SNF8: variants seen among roughly 807,000 people sequenced by gnomAD.
SNF8 encodes SNF8 subunit of ESCRT-II, also known as vacuolar-sorting protein SNF8.
SNF8 carries 19 observed loss-of-function variants against 36.8 expected under a neutral mutation model. The observed-to-expected ratio is 0.52, with a 90% CI of 0.36 to 0.76. The LOEUF is 0.76. Ranked by LOEUF, SNF8 falls within the 30% of genes least tolerant of loss-of-function variation. The probability of loss-of-function intolerance (pLI) is 0.00; values close to 1 mark genes in which losing one functional copy is unlikely to be tolerated. For synonymous variants in SNF8, 127 were observed against 127.4 expected (o/e 1.00, Z 0.02); for missense variants, 268 against 322.9 (o/e 0.83, Z 1.30).
At chr17:48,939,800 T>C (rs957517034) in intron 3 of SNF8, among the ~76,000 whole-genome samples, 1 of 151,806 alleles carries the variant, frequency 6.6e-6, no homozygotes, top group African/African-American at 2.4e-5. Flanking sequence ...AAGGGCTCAG[T>C]GCAGTGGCTC....
chr17:48,944,635 C>T (rs1240570303), intron 1 of SNF8, 46 bp downstream of exon 1: 3 of 1,596,582 alleles, frequency 1.9e-6, no homozygotes, highest in Non-Finnish European at 1.7e-6. Flanking sequence ...AATTCAGTCT[C>T]GCACGGGTCA....
rs2143795592 is a variant in SNF8, at chr17:48,933,198, C to T, written c.564+7G>A. 3.1e-6 allele frequency: 5 copies of T among 1,613,006 alleles called. No individual in the cohort carries two copies. In the East Asian group the frequency reaches 6.7e-5, roughly 22 times the overall value. ...GCACACACACACACTCGAAGGTGCA[C>T]CAGTACCTCTGCCAGCTGCAGCACC... On this transcript the variant is annotated splice_region_variant and intron_variant, in intron 6 of 7. Transcript: ENST00000502492.
chr17:48,943,334 G>C (rs1437563858), intron 2 of SNF8, among the ~76,000 whole-genome samples: 2 of 152,156 alleles, frequency 1.3e-5, no homozygotes, highest in African/African-American at 4.8e-5. Flanking sequence ...ATTAGGGCCC[G>C]GCACAGTGGC....
At chr17:48,943,221 G>A (rs2041056828) in intron 2 of SNF8, among the ~76,000 whole-genome samples, 2 of 151,262 alleles carry the variant, frequency 1.3e-5, no homozygotes, top group African/African-American at 2.4e-5. Context: ...TGTAGTCCCA[G>A]CACTCTGGGA....
intron 2 of SNF8, among the ~76,000 whole-genome samples, chr17:48,943,648 G>C (rs542231883): frequency 1.3e-5 from 2 of 151,998 alleles, no homozygotes; most frequent in South Asian, 4.2e-4. Context: ...AGAATAATAG[G>C]GTTCCTTCCT....
chr17:48,941,145 AG>A, intron 2 of SNF8, 83 bp from the exon 3 acceptor site: 1 of 1,508,712 alleles, frequency 6.6e-7, no homozygotes, highest in Admixed American at 1.7e-5. Context: ...GCCCTGTGGC[AG>A]GGCAAAGGCT....
intron 3 of SNF8, among the ~76,000 whole-genome samples, chr17:48,939,391 T>C (rs965138898): frequency 6.6e-6 from 1 of 151,844 alleles, no homozygotes; most frequent in African/African-American, 2.4e-5. Context: ...AGTGGGCTGA[T>C]TGCACCAATG....
chr17:48,944,006 G>C, intron 1 of SNF8, 31 bp from the exon 2 acceptor site: 4 of 1,610,978 alleles, frequency 2.5e-6, no homozygotes, highest in Non-Finnish European at 2.5e-6. Context: ...CATAAGTTAA[G>C]AGAGTGGGCG....
chr17:48,943,687 A>G (rs987418066), intron 2 of SNF8, among the ~76,000 whole-genome samples: 3 of 152,208 alleles, frequency 2.0e-5, no homozygotes, highest in African/African-American at 7.2e-5. Flanking sequence ...ATTGAACAAG[A>G]CAGTCTATGT....
chr17:48,937,412 G>A (rs2040951287), intron 3 of SNF8: 3 of 465,270 alleles, frequency 6.4e-6, no homozygotes, highest in African/African-American at 2.0e-5. Flanking sequence ...TGGATCGCTC[G>A]AGACCAAGAG....
Position 48,933,246 on chromosome 17 carries a change from C to T in SNF8, c.523G>A (p.Glu175Lys). The stretch of plus-strand genomic sequence containing the variant: ...ACCACGGTGTGATCCATATTGAGCT[C>T]AGCTGGAACAGACTGAATGAGGTAA... ...GTYLIQSVPA[E>K]LNMDHTVVLQ... Residue 175 changes from glutamate (E) to lysine (K), a missense_variant, in exon 6 of 8, where the codon GAG becomes AAG. Glu to Lys is a moderately conservative substitution (Grantham distance 56). Transcript: ENST00000502492. 1 of 1,614,046 alleles carries T rather than the reference C, an allele frequency of 6.2e-7. No individual in the cohort carries two copies.
At chr17:48,931,857 G>C (rs2040864518) in intron 6 of SNF8, 140 bp from the exon 7 acceptor site, 1 of 613,952 alleles carries the variant, frequency 1.6e-6, no homozygotes, top group African/African-American at 1.9e-5. Context: ...ATGTTTAAAG[G>C]TTCCAGCGGG....
chr17:48,936,962 G>A (rs749012298), intron 4 of SNF8, 58 bp downstream of exon 4: 45 of 1,230,636 alleles, frequency 3.7e-5, no homozygotes, highest in East Asian at 4.6e-5. Flanking sequence ...AATCTTTTAC[G>A]GTTTTCTCCC....
chr17:48,936,995 G>C, intron 4 of SNF8, 25 bp downstream of exon 4: 2 of 1,549,916 alleles, frequency 1.3e-6, no homozygotes, highest in South Asian at 2.2e-5. Context: ...CCAGAGTCCA[G>C]TTCACAGGAC....
At position 48,929,760 on chromosome 17, in the gene SNF8, C is replaced by G. The variant is rs1019327691; in HGVS notation, c.*715G>C. On this transcript the variant is annotated 3_prime_UTR_variant, in exon 8 of 8. Transcript: ENST00000502492. The stretch of plus-strand genomic sequence containing the variant: ...CACCTGTGATGTTGAAGGCTGCCTA[C>G]TTGGTGAAATTTAAGTGAGCTGTAT... 1 of 152,120 alleles carries G rather than the reference C, an allele frequency of 6.6e-6. No homozygotes were observed. Among genetic ancestry groups the G allele is most frequent in the African/African-American group, 2.4e-5 (1 of 41,420 alleles). 9.4% of individuals were successfully genotyped at this position (152,120 alleles called of 1,614,324 possible).
At chr17:48,943,997 A>G in intron 1 of SNF8, 22 bp from the exon 2 acceptor site, 2 of 1,613,102 alleles carry the variant, frequency 1.2e-6, no homozygotes, top group East Asian at 2.2e-5. Context: ...AGAGACCAGC[A>G]TAAGTTAAGA....
At chr17:48,944,325 A>G (rs1318658378) in intron 1 of SNF8, among the ~76,000 whole-genome samples, 1 of 151,626 alleles carries the variant, frequency 6.6e-6, no homozygotes, top group Non-Finnish European at 1.5e-5. Context: ...AAACAAAAAA[A>G]CACAGAGTGG....
At position 48,941,081 on chromosome 17, in the gene SNF8, G is replaced by A. The variant is rs2041016250; in HGVS notation, c.106-19C>T. On this transcript the variant is annotated intron_variant, in intron 2 of 7. Coordinates refer to ENST00000502492, the MANE Select transcript of SNF8 (RefSeq NM_007241.4). ...TTGACATCTGTTGGATGGACAGGGA[G>A]TGGTGAAGGGCAGCCCAGCCAAATG... 5.0e-6 allele frequency: 8 copies of A among 1,610,432 alleles called. No individual in the cohort carries two copies. Among genetic ancestry groups the A allele is most frequent in the South Asian group, 1.1e-5 (1 of 91,030 alleles).
intron 7 of SNF8, among the ~76,000 whole-genome samples, chr17:48,931,191 C>T (rs1421192370): frequency 6.6e-6 from 1 of 152,134 alleles, no homozygotes; most frequent in African/African-American, 2.4e-5. Flanking sequence ...TTACATTGCT[C>T]CCTCTTCACA....
Sources: allele counts gnomAD v4.1 joint callset (sites outside exome capture counted in the v4.1 genomes callset), GRCh38; gene constraint gnomAD v4.1.1; transcripts MANE v1.5; gene names NCBI Gene and HGNC (gene_info 2026-07-23, HGNC 2026-07-21).